KIR3DL3: variants seen among roughly 807,000 people sequenced by gnomAD.
KIR3DL3 encodes killer cell immunoglobulin-like receptor 3DL3.
A neutral mutation model predicts 34.9 loss-of-function variants in KIR3DL3; 27 were observed. That is an observed-to-expected ratio of 0.77 (90% CI 0.57 to 1.07). KIR3DL3 has a LOEUF of 1.07. Ranked by LOEUF, KIR3DL3 falls within the 50% of genes least tolerant of loss-of-function variation. KIR3DL3 has a pLI of 0.00. For synonymous variants in KIR3DL3, 217 were observed against 200.2 expected, an observed-to-expected ratio of 1.08 and a Z score of -0.71; for missense variants, 681 against 528.5, an observed-to-expected ratio of 1.29 and a Z score of -2.83.
At chr19:54,731,242 G>A (rs2068759002) in intron 5 of KIR3DL3, among the ~76,000 whole-genome samples, 1 of 152,094 alleles carries the variant, frequency 6.6e-6, no homozygotes, top group Non-Finnish European at 1.5e-5. Context: ...CTGACCTCAA[G>A]TGACCTACCC....
chr19:54,724,902 G>C (rs1261122837), intron 1 of KIR3DL3, among the ~76,000 whole-genome samples: 2 of 126,300 alleles, frequency 1.6e-5, no homozygotes, highest in African/African-American at 6.0e-5. Flanking sequence ...TGGAACTGTA[G>C]ATATGGGCCT....
At chr19:54,729,368 T>A in intron 4 of KIR3DL3, 125 bp from the exon 5 acceptor site, 1 of 1,075,362 alleles carries the variant, frequency 9.3e-7, no homozygotes, top group Non-Finnish European at 1.3e-6. Flanking sequence ...GAGATGGGGG[T>A]GGAGGGTGAG....
chr19:54,730,597 G>A (rs1239549949), intron 5 of KIR3DL3, among the ~76,000 whole-genome samples: 2 of 151,688 alleles, frequency 1.3e-5, no homozygotes, highest in African/African-American at 2.4e-5. Context: ...TAATTAATTA[G>A]TATTCTTTTT....
rs1283381361 is a variant in KIR3DL3, at chr19:54,734,698, C to T, written c.950-555C>T. 2.7e-5 allele frequency among the ~76,000 whole-genome samples: 4 copies of T among 147,036 alleles called. No homozygotes were observed. The South Asian group carries it at 6.7e-4, about 25-fold the overall frequency. On this transcript the variant is annotated intron_variant, in intron 5 of 7. Transcript: ENST00000291860. The stretch of plus-strand genomic sequence containing the variant: ...CTTCTAAAGACAAGAAATGTGTTTG[C>T]CTCACAGTTCTGCAGGCTGTACTGG...
Position 54,736,407 on chromosome 19 carries a change from T to A in KIR3DL3, c.*311T>A. ...ATTTCACTTGACCCCTGCCCACCTC[T>A]CCAACCTAACTGGCTTACTTCCTAG... On this transcript the variant is annotated 3_prime_UTR_variant, in exon 8 of 8. Coordinates refer to ENST00000291860, the MANE Select transcript of KIR3DL3 (RefSeq NM_153443.5). The A allele has an allele frequency of 2.2e-6, 1 of 455,626 alleles. No homozygotes were observed. Among genetic ancestry groups the A allele is most frequent in the Non-Finnish European group, 3.9e-6 (1 of 254,678 alleles). 28.2% of individuals were successfully genotyped at this position (455,626 alleles called of 1,614,324 possible).
intron 3 of KIR3DL3, 111 bp downstream of exon 3, chr19:54,726,448 T>C (rs1408207071): frequency 5.6e-5 from 77 of 1,363,448 alleles, no homozygotes; most frequent in Non-Finnish European, 7.5e-5. Context: ...GTATTTGGGG[T>C]AAAGGGGGAT....
intron 4 of KIR3DL3, among the ~76,000 whole-genome samples, chr19:54,729,120 T>A (rs1336629074): frequency 1.3e-5 from 2 of 148,276 alleles, no homozygotes; most frequent in African/African-American, 4.9e-5. Flanking sequence ...GATAGATACA[T>A]ACATAGATAA....
intron 1 of KIR3DL3, 54 bp downstream of exon 1, chr19:54,724,584 T>C (rs1175263628): frequency 6.0e-6 from 5 of 831,474 alleles, no homozygotes; most frequent in Admixed American, 5.7e-5. Context: ...GATCTGGGCC[T>C]GGAGTGGAGA....
chr19:54,736,175 C>T lies in KIR3DL3; in HGVS notation c.*79C>T. ...CACCACAGTCAGGCCTTGATGGGAT[C>T]TTCTAGGGAGACAATAGCCCTGTCT... is the stretch of plus-strand genomic sequence containing the variant. On this transcript the variant is annotated 3_prime_UTR_variant, in exon 8 of 8. Transcript: ENST00000291860. 1 of 1,580,410 alleles carries T rather than the reference C, an allele frequency of 6.3e-7. No individual in the cohort carries two copies. Among genetic ancestry groups the T allele is most frequent in the Non-Finnish European group, 8.7e-7 (1 of 1,155,632 alleles).
chr19:54,725,213 C>T (rs754455134), intron 1 of KIR3DL3, 34 bp from the exon 2 acceptor site: 6 of 1,560,348 alleles, frequency 3.8e-6, no homozygotes, highest in Admixed American at 3.5e-5. Context: ...AGGTGATGTA[C>T]AGATGGATCA....
intron 3 of KIR3DL3, among the ~76,000 whole-genome samples, chr19:54,726,742 G>T (rs2068226915): frequency 7.0e-6 from 1 of 142,364 alleles, no homozygotes; most frequent in East Asian, 2.0e-4. Context: ...AGCGGGCTTT[G>T]AAGATGGGGG....
At chr19:54,735,699 G>C in intron 6 of KIR3DL3, 121 bp from the exon 7 acceptor site, 1 of 1,063,358 alleles carries the variant, frequency 9.4e-7, no homozygotes, top group Non-Finnish European at 1.4e-6. Context: ...GTCTGAGTCT[G>C]CTGTTGGCAA....
chr19:54,735,767 T>C, intron 6 of KIR3DL3, 53 bp from the exon 7 acceptor site: 8 of 1,597,782 alleles, frequency 5.0e-6, no homozygotes, highest in Non-Finnish European at 6.8e-6. Context: ...GCTTATGAAA[T>C]GAGGACCCAG....
chr19:54,726,734 C>T (rs1189006066), intron 3 of KIR3DL3, among the ~76,000 whole-genome samples: 2 of 142,570 alleles, frequency 1.4e-5, no homozygotes, highest in African/African-American at 2.6e-5. Flanking sequence ...TCAGCCACAG[C>T]GGGCTTTGAA....
chr19:54,731,011 T>C (rs1335304545), intron 5 of KIR3DL3, among the ~76,000 whole-genome samples: 2 of 151,986 alleles, frequency 1.3e-5, no homozygotes, highest in African/African-American at 2.4e-5. Flanking sequence ...TTTTTGTTTT[T>C]GTTTTTGTTT....
At chr19:54,732,674 G>A (rs1394675804) in intron 5 of KIR3DL3, among the ~76,000 whole-genome samples, 1 of 152,234 alleles carries the variant, frequency 6.6e-6, no homozygotes, top group South Asian at 2.1e-4. Flanking sequence ...ACCCTTGGAA[G>A]ATTGGCGGAA....
At position 54,736,159 on chromosome 19, in the gene KIR3DL3, C is replaced by T. The variant is rs1434200483; in HGVS notation, c.*63C>T. ...GTCTTCTGTCCACTAGCACCACAGT[C>T]AGGCCTTGATGGGATCTTCTAGGGA... On this transcript the variant is annotated 3_prime_UTR_variant, in exon 8 of 8. Transcript: ENST00000291860. 2.5e-6 allele frequency: 4 copies of T among 1,596,310 alleles called. No homozygotes were observed. The highest frequency in any genetic ancestry group is 2.6e-6 in the Non-Finnish European group (3 of 1,169,822).
intron 5 of KIR3DL3, among the ~76,000 whole-genome samples, chr19:54,730,441 G>A (rs2068678635): frequency 6.7e-6 from 1 of 150,176 alleles, no homozygotes; most frequent in Non-Finnish European, 1.5e-5. Context: ...GAGCATGGTG[G>A]CACATGCCTG....
intron 4 of KIR3DL3, among the ~76,000 whole-genome samples, chr19:54,728,728 G>A (rs1243861630): frequency 2.6e-5 from 4 of 151,198 alleles, no homozygotes; most frequent in Non-Finnish European, 5.9e-5. Flanking sequence ...TGAGGGAGGG[G>A]CACAAAGACA....
Sources: allele counts gnomAD v4.1 joint callset (sites outside exome capture counted in the v4.1 genomes callset), GRCh38; gene constraint gnomAD v4.1.1; transcripts MANE v1.5; gene names NCBI Gene and HGNC (gene_info 2026-07-23, HGNC 2026-07-21).